The following SDHA variants were observed in gnomAD, a reference collection of about 807,000 sequenced individuals.
The protein encoded by SDHA is succinate dehydrogenase complex flavoprotein subunit A, also known as succinate dehydrogenase [ubiquinone] flavoprotein subunit, mitochondrial.
Under a neutral mutation model 78.4 loss-of-function variants are expected in SDHA, and 48 were observed. The observed-to-expected ratio is 0.61, with a 90% CI of 0.49 to 0.78. The LOEUF is 0.78. Ranked by LOEUF, SDHA falls within the 30% of genes least tolerant of loss-of-function variation. The pLI is 0.00. For missense variants in SDHA, 680 were observed against 892.7 expected (o/e 0.76, Z 3.04); for synonymous variants, 326 against 353.9 (o/e 0.92, Z 0.88).
intron 10 of SDHA, among the ~76,000 whole-genome samples, chr5:236,852 A>G (rs571868807): frequency 2.0e-5 from 3 of 151,560 alleles, no homozygotes; most frequent in South Asian, 2.1e-4. Context: ...GGGTCTCACA[A>G]TATTGCCCAG....
chr5:245,627 G>A (rs1028542063), intron 11 of SDHA, among the ~76,000 whole-genome samples: 25 of 152,154 alleles, frequency 1.6e-4, no homozygotes, highest in African/African-American at 6.0e-4. Context: ...TCAATTTCTG[G>A]TGCTGGTTTA....
chr5:248,374 C>G (rs1736603874), intron 11 of SDHA, among the ~76,000 whole-genome samples: 1 of 152,186 alleles, frequency 6.6e-6, no homozygotes, highest in Non-Finnish European at 1.5e-5. Context: ...AGAAGAAAAC[C>G]TGAGGAAAGC....
chr5:262,926 C>T, the SDHA span, among the ~76,000 whole-genome samples: 1 of 151,952 alleles, frequency 6.6e-6, no homozygotes, highest in Non-Finnish European at 1.5e-5. Flanking sequence ...TTTGTTTTTC[C>T]TTATATTAAT....
In SDHA at chr5:225,563, G is replaced by A. The variant is rs1579384604; in HGVS notation, c.456+1G>A. ...GCAGGCCCCCGCCGCCGTGGTCGAGGTGATGGGCGGGAGGCTCTGGGTGTT... is the reference window on the plus strand; with the variant it reads ...GCAGGCCCCCGCCGCCGTGGTCGAGATGATGGGCGGGAGGCTCTGGGTGTT... On this transcript the variant is annotated splice_donor_variant, in intron 4 of 14. Coordinates refer to ENST00000264932, the MANE Select transcript of SDHA (RefSeq NM_004168.4). LOFTEE classifies it high-confidence loss of function. 6.2e-7 allele frequency: 1 copy of A among 1,613,892 alleles called. No homozygotes were observed. The highest frequency in any genetic ancestry group is 8.5e-7 in the Non-Finnish European group (1 of 1,179,826).
Position 250,976 on chromosome 5 carries a change from A to G in SDHA, c.1552-16A>G, listed in dbSNP as rs1418838846. The G allele has an allele frequency of 6.2e-7, 1 of 1,606,968 alleles. No homozygotes were observed. The highest frequency in any genetic ancestry group is 8.5e-7 in the Non-Finnish European group (1 of 1,175,356). On this transcript the variant is annotated splice_polypyrimidine_tract_variant and intron_variant, in intron 11 of 14. Coordinates refer to ENST00000264932, the MANE Select transcript of SDHA (RefSeq NM_004168.4). Reference sequence around the variant, plus strand: ...TCTATGGATTAAAAGTTTACAAATAATATTTTGTGCCACAGTCAATGCAAA... The same window carrying G: ...TCTATGGATTAAAAGTTTACAAATAGTATTTTGTGCCACAGTCAATGCAAA...
chr5:257,521 T>TG (rs1737281611), downstream of SDHA, among the ~76,000 whole-genome samples: 1 of 96,592 alleles, frequency 1.0e-5, no homozygotes, highest in Non-Finnish European at 2.4e-5. Context: ...CCGCCCCCTG[T>TG]TGGAGCATTA....
rs1440814662 is a variant in SDHA at position 223,525 on chromosome 5, C to T, written c.107C>T (p.Thr36Ile). The T allele has an allele frequency of 3.1e-6, 5 of 1,613,698 alleles. No individual in the cohort carries two copies. In the East Asian group the frequency reaches 8.9e-5, roughly 29 times the overall value. The change falls in exon 2 of 15, where the codon ACT becomes ATT. Residue 36 changes from threonine to isoleucine, a missense_variant. By Grantham distance (89) the Thr-to-Ile change is moderately conservative (BLOSUM62 -1). Transcript: ENST00000264932. ...ACAGGAACCCGAGGTTTTCACTTCA[C>T]TGTTGATGGGAACAAGAGGGCATCT... ...LQTGTRGFHFTVDGNKRASAK... is the reference protein window; with the variant it reads ...LQTGTRGFHFIVDGNKRASAK...
intron 11 of SDHA, 85 bp from the exon 12 acceptor site, chr5:250,907 A>G (rs1330129901): frequency 8.7e-7 from 1 of 1,155,638 alleles, no homozygotes; most frequent in Non-Finnish European, 1.3e-6. Flanking sequence ...AGTGAAATGC[A>G]AAACAACAGG....
At chr5:225,723 T>A in intron 4 of SDHA, 160 bp from the exon 5 acceptor site, 1 of 1,338,976 alleles carries the variant, frequency 7.5e-7, no homozygotes, top group Non-Finnish European at 1.1e-6. Flanking sequence ...ATGCATTATA[T>A]GTAACAAGAA....
intron 10 of SDHA, 150 bp downstream of exon 10, chr5:236,749 A>G (rs1579410458): frequency 7.8e-6 from 6 of 764,432 alleles, no homozygotes; most frequent in Non-Finnish European, 1.3e-5. Context: ...GCAGTCTTCA[A>G]CACCTCAACC....
At chr5:239,160 C>A (rs949437979) in intron 10 of SDHA, among the ~76,000 whole-genome samples, 1 of 151,328 alleles carries the variant, frequency 6.6e-6, no homozygotes, top group Non-Finnish European at 1.5e-5. Flanking sequence ...CTGTTTGACT[C>A]CTGCATTTCA....
At chr5:264,181 A>C in the SDHA span, among the ~76,000 whole-genome samples, 16,089 of 152,328 alleles carry the variant, frequency 0.11, 948 homozygotes, top group Admixed American at 0.15. Context: ...AGTGAGACTG[A>C]AATAGACTCT....
In SDHA at chr5:240,363, A is replaced by G. The variant is rs1579417444; in HGVS notation, c.1438A>G (p.Lys480Glu). 3 of 1,584,440 alleles carry G rather than the reference A, an allele frequency of 1.9e-6. No individual in the cohort carries two copies. The highest frequency in any genetic ancestry group is 2.6e-6 in the Non-Finnish European group (3 of 1,154,070). The change falls in exon 11 of 15, where the codon AAA becomes GAA. Residue 480 changes from lysine to glutamate, a missense_variant. Transcript: ENST00000264932. The part of the protein sequence containing the change: ...SIEESCRPGD[K>E]VPPIKPNAGE... Reference sequence around the variant, plus strand: ...CTAGCTTTTTTTTGTTTTAGGAGATAAAGTCCCTCCAATTAAACCAAACGC... The same window carrying G: ...CTAGCTTTTTTTTGTTTTAGGAGATGAAGTCCCTCCAATTAAACCAAACGC...
intron 1 of SDHA, among the ~76,000 whole-genome samples, chr5:222,523 A>G (rs1734779573): frequency 6.6e-6 from 1 of 151,856 alleles, no homozygotes; most frequent in African/African-American, 2.4e-5. Flanking sequence ...AATTGTTAGT[A>G]GAGATGGGGT....
At chr5:228,008 C>G in intron 5 of SDHA, 177 bp from the exon 6 acceptor site, 1 of 663,524 alleles carries the variant, frequency 1.5e-6, no homozygotes, top group South Asian at 1.7e-5. Flanking sequence ...GTCTGTACTG[C>G]TCGGCGTGGA....
chr5:258,606 T>G (rs71583068), downstream of SDHA, among the ~76,000 whole-genome samples: 1 of 65,696 alleles, frequency 1.5e-5, no homozygotes, highest in Non-Finnish European at 3.1e-5. Context: ...GAGCTCCGCC[T>G]CCTGCCAGAG....
At chr5:238,413 A>T (rs1013454302) in intron 10 of SDHA, among the ~76,000 whole-genome samples, 3 of 149,170 alleles carry the variant, frequency 2.0e-5, no homozygotes, top group African/African-American at 5.1e-5. Context: ...AACCCCCTGC[A>T]AAAAAAAATA....
At chr5:257,317 G>A (rs539174467), downstream of SDHA, among the ~76,000 whole-genome samples, 5 of 152,066 alleles carry the variant, frequency 3.3e-5, no homozygotes, top group Admixed American at 2.0e-4. Context: ...GTGAGCTACT[G>A]TGTGAGCTCC....
intron 13 of SDHA, 174 bp downstream of exon 13, chr5:251,642 C>T (rs1736842097): frequency 6.5e-7 from 1 of 1,530,744 alleles, no homozygotes; most frequent in Non-Finnish European, 8.8e-7. Context: ...TCTTCTGGAT[C>T]ACTGTGACCT....
Sources: gnomAD v4.1 joint callset for allele counts (sites outside exome capture counted in the v4.1 genomes callset) on GRCh38, gnomAD v4.1.1 for gene constraint, MANE v1.5 for transcripts, NCBI Gene and HGNC (gene_info 2026-07-23, HGNC 2026-07-21) for gene names.